Variants in SNTG1 observed in about 807,000 individuals in gnomAD.
SNTG1 encodes the protein gamma-1-syntrophin.
In SNTG1, 39 loss-of-function variants were observed where a neutral mutation model predicts 74.7. The observed-to-expected ratio is 0.52, with a 90% confidence interval of 0.40 to 0.68. The LOEUF is 0.68. SNTG1 is among the 30% of genes least tolerant of loss of function. The pLI is 0.00. For synonymous variants in SNTG1, 254 were observed against 217.1 expected (o/e 1.17, Z -1.49); for missense variants, 685 against 609.5 (o/e 1.12, Z -1.30).
chr8:50,050,333 C>A (rs1218555744), intron 1 of SNTG1, among the ~76,000 whole-genome samples: 1 of 151,830 alleles, frequency 6.6e-6, no homozygotes, highest in Non-Finnish European at 1.5e-5. Context: ...CCTGTGCTTA[C>A]AAATTTGATA....
chr8:50,780,501 G>A (rs1474474066), intron 18 of SNTG1, among the ~76,000 whole-genome samples: 3 of 152,106 alleles, frequency 2.0e-5, no homozygotes, highest in Non-Finnish European at 2.9e-5. Flanking sequence ...AGAGGTGTTT[G>A]TAGTATTCTC....
rs561217182 is a variant in SNTG1, at chr8:49,982,277, C to T, written c.-103+70046C>T. On this transcript the variant is annotated intron_variant, in intron 1 of 18. Coordinates refer to ENST00000642720, the MANE Select transcript of SNTG1 (RefSeq NM_018967.5). ...GGTATGCAACTGCTCAGGTAGTTGGCATCTGAATCCTTCATTTTGAGAGCT... is the reference window on the plus strand; with the variant it reads ...GGTATGCAACTGCTCAGGTAGTTGGTATCTGAATCCTTCATTTTGAGAGCT... 3.3e-5 allele frequency among the ~76,000 whole-genome samples: 5 copies of T among 152,054 alleles called. No individual in the cohort carries two copies. In the East Asian group the frequency reaches 5.8e-4, roughly 18 times the overall value.
chr8:50,218,469 G>A (rs976153300), intron 2 of SNTG1, among the ~76,000 whole-genome samples: 2 of 151,958 alleles, frequency 1.3e-5, no homozygotes, highest in Admixed American at 1.3e-4. Flanking sequence ...TGCATTATAT[G>A]TTCTTAGAGA....
At chr8:50,661,865 T>C (rs1370316762) in intron 15 of SNTG1, among the ~76,000 whole-genome samples, 2 of 152,192 alleles carry the variant, frequency 1.3e-5, no homozygotes, top group Non-Finnish European at 2.9e-5. Context: ...CCTTAGTAAG[T>C]ACAATGCTGG....
chr8:50,598,602 A>G (rs1392670672), intron 13 of SNTG1, among the ~76,000 whole-genome samples: 1 of 151,940 alleles, frequency 6.6e-6, no homozygotes, highest in Non-Finnish European at 1.5e-5. Flanking sequence ...ATTGCTTTAA[A>G]AAATCTGTGA....
intron 1 of SNTG1, among the ~76,000 whole-genome samples, chr8:50,090,441 T>C (rs2079682243): frequency 6.6e-6 from 1 of 152,170 alleles, no homozygotes; most frequent in Non-Finnish European, 1.5e-5. Context: ...GGTGGTAAGA[T>C]AGCTTCAGTC....
At chr8:50,293,087 G>T (rs1328463485) in intron 2 of SNTG1, among the ~76,000 whole-genome samples, 1 of 152,136 alleles carries the variant, frequency 6.6e-6, no homozygotes, top group Non-Finnish European at 1.5e-5. Flanking sequence ...CAACCTGCGT[G>T]TAGCCTTTGG....
intron 9 of SNTG1, among the ~76,000 whole-genome samples, chr8:50,528,381 A>T (rs2094239288): frequency 6.6e-6 from 1 of 151,984 alleles, no homozygotes; most frequent in South Asian, 2.1e-4. Context: ...AATTTTCTCA[A>T]ATATTTTTCT....
chr8:50,786,685 A>G (rs1205077576), intron 18 of SNTG1, among the ~76,000 whole-genome samples: 1 of 151,998 alleles, frequency 6.6e-6, no homozygotes, highest in Admixed American at 6.6e-5. Flanking sequence ...CTAGAAATGA[A>G]CCTTATTTAT....
At chr8:50,456,838 T>C (rs191778675) in intron 8 of SNTG1, among the ~76,000 whole-genome samples, 20 of 152,146 alleles carry the variant, frequency 1.3e-4, no homozygotes, top group Admixed American at 1.2e-3. Flanking sequence ...AAGGCACACC[T>C]AAACCAGGTC....
chr8:50,247,859 T>C (rs2086470082), intron 2 of SNTG1, among the ~76,000 whole-genome samples: 1 of 152,028 alleles, frequency 6.6e-6, no homozygotes, highest in Non-Finnish European at 1.5e-5. Context: ...TTCCATGAGC[T>C]TTTTGAAGAC....
chr8:50,368,592 C>T (rs1018294828), intron 2 of SNTG1, among the ~76,000 whole-genome samples: 24 of 152,186 alleles, frequency 1.6e-4, no homozygotes, highest in African/African-American at 5.8e-4. Flanking sequence ...ATTACACCAT[C>T]AAAGATCCGG....
intron 2 of SNTG1, among the ~76,000 whole-genome samples, chr8:50,332,353 T>TA (rs2090997087): frequency 6.6e-6 from 1 of 152,138 alleles, no homozygotes; most frequent in Non-Finnish European, 1.5e-5. Flanking sequence ...TGAATGGCTT[T>TA]CCTCTACAGT....
intron 3 of SNTG1, among the ~76,000 whole-genome samples, chr8:50,397,511 A>G (rs998441730): frequency 1.3e-5 from 2 of 152,284 alleles, no homozygotes; most frequent in Admixed American, 1.3e-4. Context: ...TTCTTCCTCT[A>G]TCAGACAGTC....
At chr8:50,771,610 TGAGTAGTTGCTAAAGA>T (rs144478959) in intron 18 of SNTG1, among the ~76,000 whole-genome samples, 2,245 of 152,016 alleles carry the variant, frequency 0.015, 46 homozygotes, top group African/African-American at 0.051. Flanking sequence ...TTGGGTCCAG[TGAGTAGTTGCTAAAGA>T]GATTAGCATG....
At chr8:50,497,791 A>G (rs894059172) in intron 8 of SNTG1, among the ~76,000 whole-genome samples, 3 of 151,990 alleles carry the variant, frequency 2.0e-5, no homozygotes, top group Admixed American at 6.6e-5. Flanking sequence ...TCCCTGAACA[A>G]TCACTAATCT....
intron 17 of SNTG1, among the ~76,000 whole-genome samples, chr8:50,730,371 T>A (rs577495301): frequency 1.3e-5 from 2 of 152,250 alleles, no homozygotes; most frequent in South Asian, 2.1e-4. Flanking sequence ...AAAGCACATA[T>A]CTCTTCAAAG....
intron 1 of SNTG1, among the ~76,000 whole-genome samples, chr8:49,975,730 A>G (rs1460570025): frequency 3.3e-5 from 5 of 149,404 alleles, no homozygotes; most frequent in Non-Finnish European, 7.4e-5. Flanking sequence ...AAACAATATG[A>G]CTGTGTGCCT....
At chr8:49,998,519 C>T (rs1447557151) in intron 1 of SNTG1, among the ~76,000 whole-genome samples, 1 of 151,238 alleles carries the variant, frequency 6.6e-6, no homozygotes, top group Non-Finnish European at 1.5e-5. Flanking sequence ...AATATCTTTA[C>T]TATACTATAT....
Sources: allele counts gnomAD v4.1 joint callset (sites outside exome capture counted in the v4.1 genomes callset), GRCh38; gene constraint gnomAD v4.1.1; transcripts MANE v1.5; gene names NCBI Gene and HGNC (gene_info 2026-07-23, HGNC 2026-07-21).